The following FER variants were observed in gnomAD, a reference collection of about 807,000 sequenced individuals.
FER encodes the protein FER tyrosine kinase.
A neutral mutation model predicts 111.0 loss-of-function variants in FER; 63 were observed. The ratio of observed to expected loss-of-function variants is 0.57; its 90% CI spans 0.46 to 0.70. FER has a LOEUF of 0.70. FER is among the 30% of genes least tolerant of loss of function. FER has a pLI of 0.00. For synonymous variants in FER, 327 were observed against 313.9 expected (o/e 1.04, Z -0.44); for missense variants, 914 against 954.0 (o/e 0.96, Z 0.55).
intron 3 of FER, among the ~76,000 whole-genome samples, chr5:108,825,507 T>C (rs1425774262): frequency 6.6e-6 from 1 of 152,212 alleles, no homozygotes; most frequent in Non-Finnish European, 1.5e-5. Context: ...TGTTATCCTG[T>C]TCTTTTTTCA....
In FER at chr5:109,120,455, T is replaced by G. The variant is rs150282195; in HGVS notation, c.2048+19936T>G. 4.2e-3 allele frequency among the ~76,000 whole-genome samples: 632 copies of G among 152,168 alleles called. 15 individuals are homozygous for G. The highest frequency in any genetic ancestry group is 0.033 in the Admixed American group (500 of 15,278). On this transcript the variant is annotated intron_variant, in intron 17 of 19. Coordinates refer to ENST00000281092, the MANE Select transcript of FER (RefSeq NM_005246.4). ...GTTCTCTATTTTGTTAACAATGGTC[T>G]TTGTGTCTATTTTTATTGCCAGTAC... is the stretch of plus-strand genomic sequence containing the variant.
intron 5 of FER, among the ~76,000 whole-genome samples, chr5:108,854,789 A>C (rs1580886207): frequency 6.6e-6 from 1 of 151,892 alleles, no homozygotes; most frequent in African/African-American, 2.4e-5. Flanking sequence ...CTAAAAATAC[A>C]AAAAATTAAC....
rs527615316 is a variant in FER, at chr5:108,749,267, A to G, written c.-206+1267A>G. On this transcript the variant is annotated intron_variant, in intron 1 of 19. Transcript: ENST00000281092. ...TCCTGGTTGGGGCTTGGGCCGGGCT[A>G]CACACCCAGCCCCACGAGGGCCGCC... Among the ~76,000 whole-genome samples, 1,154 of 152,122 alleles carry G rather than the reference A, an allele frequency of 7.6e-3. 6 individuals are homozygous for G. The highest frequency in any genetic ancestry group is 0.011 in the Non-Finnish European group (715 of 67,960).
intron 13 of FER, among the ~76,000 whole-genome samples, chr5:109,022,953 G>A (rs776083766): frequency 2.6e-5 from 4 of 152,046 alleles, no homozygotes; most frequent in Non-Finnish European, 4.4e-5. Context: ...AAGAGCAATG[G>A]GGCATTACTG....
At chr5:108,926,907 C>T (rs539529559) in intron 10 of FER, among the ~76,000 whole-genome samples, 3 of 151,842 alleles carry the variant, frequency 2.0e-5, no homozygotes, top group Non-Finnish European at 2.9e-5. Context: ...TACTGATTCA[C>T]GAGAGTATAT....
intron 8 of FER, among the ~76,000 whole-genome samples, chr5:108,876,429 C>A (rs896937639): frequency 6.6e-6 from 1 of 152,152 alleles, no homozygotes; most frequent in African/African-American, 2.4e-5. Context: ...TGGCACTATA[C>A]AAATCACAGT....
intron 10 of FER, among the ~76,000 whole-genome samples, chr5:108,937,017 T>C (rs1689249377): frequency 6.6e-6 from 1 of 152,030 alleles, no homozygotes; most frequent in African/African-American, 2.4e-5. Flanking sequence ...TTGAGTACTT[T>C]AATTTCATTT....
At chr5:108,755,384 G>A (rs545714277) in intron 1 of FER, among the ~76,000 whole-genome samples, 1 of 152,240 alleles carries the variant, frequency 6.6e-6, no homozygotes, top group Middle Eastern at 3.4e-3. Context: ...TCTTCAGCTT[G>A]GGAGACTTTC....
chr5:108,762,680 C>T lies in FER; in HGVS notation c.-205-5413C>T, dbSNP rs116774438. 5.2e-3 allele frequency among the ~76,000 whole-genome samples: 796 copies of T among 152,250 alleles called. 8 individuals are homozygous for T. Among genetic ancestry groups the T allele is most frequent in the African/African-American group, 0.018 (735 of 41,548 alleles). ...CTGAACTGTAGTTTAAAATGGGCCA[C>T]GGTTTTGTGGTTCTGTTCTCCCTCC... is the stretch of plus-strand genomic sequence containing the variant. On this transcript the variant is annotated intron_variant, in intron 1 of 19. Coordinates refer to ENST00000281092, the MANE Select transcript of FER (RefSeq NM_005246.4).
Position 108,894,519 on chromosome 5 carries a change from A to G in FER, c.1047-3140A>G, listed in dbSNP as rs1036642987. ...TATGACACTGATATTAGTTAGTTTG[A>G]TGTTGAGATACCGATCCACAGAATG... On this transcript the variant is annotated intron_variant, in intron 9 of 19. Transcript: ENST00000281092. 1.8e-4 allele frequency: 71 copies of G among 395,928 alleles called. 1 individual carries two copies. Among genetic ancestry groups the G allele is most frequent in the African/African-American group, 1.4e-3 (69 of 48,028 alleles). The allele number at this position is 395,928 out of a possible 1,614,324, so 24.5% of individuals were successfully genotyped here.
At chr5:109,048,063 C>A (rs912285722) in intron 16 of FER, among the ~76,000 whole-genome samples, 9 of 151,950 alleles carry the variant, frequency 5.9e-5, no homozygotes, top group Admixed American at 5.9e-4. Flanking sequence ...TTACTTTTAA[C>A]AATTATTTAC....
At chr5:108,773,166 A>T in intron 2 of FER, among the ~76,000 whole-genome samples, 1 of 152,046 alleles carries the variant, frequency 6.6e-6, no homozygotes, top group East Asian at 1.9e-4. Flanking sequence ...TTTAAGTAGG[A>T]TATTTACTTT....
intron 10 of FER, among the ~76,000 whole-genome samples, chr5:108,942,045 ATTCC>A (rs1165580941): frequency 6.6e-6 from 1 of 152,098 alleles, no homozygotes; most frequent in Non-Finnish European, 1.5e-5. Context: ...GAGAAAATCC[ATTCC>A]TTCCTCCTGC....
Position 109,004,445 on chromosome 5 carries a change from A to G in FER, c.1657-32977A>G, listed in dbSNP as rs186926295. Among the ~76,000 whole-genome samples, 23 of 152,342 alleles carry G rather than the reference A, an allele frequency of 1.5e-4. No homozygotes were observed. The East Asian group carries it at 4.4e-3, about 29-fold the overall frequency. ...GGATCCTAACCAAAACATTGAAAAC[A>G]ACAGCAAAAATGGGAAAAAATCCAA... On this transcript the variant is annotated intron_variant, in intron 13 of 19. Transcript: ENST00000281092.
At chr5:109,180,716 T>A in intron 17 of FER, 31 bp from the exon 18 acceptor site, 3 of 1,567,656 alleles carry the variant, frequency 1.9e-6, no homozygotes, top group Non-Finnish European at 2.6e-6. Flanking sequence ...TTTGTTTTAA[T>A]AGGCGTTTTC....
intron 3 of FER, among the ~76,000 whole-genome samples, chr5:108,826,879 T>C (rs1759528319): frequency 6.6e-6 from 1 of 152,230 alleles, no homozygotes; most frequent in African/African-American, 2.4e-5. Context: ...CTCCCAGCTC[T>C]GTCTCCTCAA....
intron 8 of FER, among the ~76,000 whole-genome samples, chr5:108,875,493 A>C (rs1764998497): frequency 1.3e-5 from 2 of 152,278 alleles, no homozygotes; most frequent in South Asian, 4.1e-4. Flanking sequence ...TTATATATGC[A>C]AATATTTCAT....
chr5:108,757,443 G>T (rs1226817299), intron 1 of FER, among the ~76,000 whole-genome samples: 2 of 152,164 alleles, frequency 1.3e-5, no homozygotes, highest in Non-Finnish European at 2.9e-5. Flanking sequence ...GCCTGAGAAG[G>T]TGGTGGATCT....
rs117153778 is a variant in FER at position 109,033,204 on chromosome 5, G to C, written c.1657-4218G>C. ...ATTTCTTGGAAGAGACTAAGAGGCA[G>C]TCTGCTTCCATTTTTTCTGTTTTTT... is the stretch of plus-strand genomic sequence containing the variant. On this transcript the variant is annotated intron_variant, in intron 13 of 19. Coordinates refer to ENST00000281092, the MANE Select transcript of FER (RefSeq NM_005246.4). Among the ~76,000 whole-genome samples the C allele has an allele frequency of 2.0e-5, 3 of 152,288 alleles. No individual in the cohort carries two copies. In the East Asian group the frequency reaches 5.8e-4, roughly 29 times the overall value.
Sources: allele counts gnomAD v4.1 joint callset (sites outside exome capture counted in the v4.1 genomes callset), GRCh38; gene constraint gnomAD v4.1.1; transcripts MANE v1.5; gene names NCBI Gene and HGNC (gene_info 2026-07-23, HGNC 2026-07-21).